Variants in TENM3 observed in about 807,000 individuals in gnomAD.
TENM3 encodes the protein teneurin transmembrane protein 3.
In TENM3, 63 loss-of-function variants were observed where a neutral mutation model predicts 255.1. The observed-to-expected ratio is 0.25, with a 90% CI of 0.20 to 0.30. The LOEUF (loss-of-function observed/expected upper bound fraction) is 0.30, where lower values mean the gene tolerates loss of function less well. Among genes scored for constraint, TENM3 ranks in the 10% least tolerant of loss-of-function variants. TENM3 has a pLI of 1.00. For synonymous variants in TENM3, 1,306 were observed against 1,322.3 expected, an observed-to-expected ratio of 0.99 and a Z score of 0.27; for missense variants, 2,929 against 3,461.1, an observed-to-expected ratio of 0.85 and a Z score of 3.86.
intron 3 of TENM3, among the ~76,000 whole-genome samples, chr4:182,355,470 G>A (rs1317347397): frequency 2.0e-5 from 3 of 152,104 alleles, no homozygotes; most frequent in Admixed American, 2.0e-4. Context: ...CTTTCCTCAA[G>A]GAGAGCAACC....
At chr4:181,814,587 C>CATGT in the TENM3 span, among the ~76,000 whole-genome samples, 1 of 149,490 alleles carries the variant, frequency 6.7e-6, no homozygotes, top group East Asian at 2.0e-4. Flanking sequence ...TTTTTAAATG[C>CATGT]GTGTGTGTGT....
chr4:181,583,128 T>TATTTA, the TENM3 span, among the ~76,000 whole-genome samples: 141,995 of 148,448 alleles, frequency 0.96, 67,948 homozygotes, highest in Non-Finnish European at 0.99. Flanking sequence ...CCTTCTGTAG[T>TATTTA]ATTTTTTTTT....
At chr4:182,633,538 G>A (rs1451148119) in intron 5 of TENM3, among the ~76,000 whole-genome samples, 5 of 152,302 alleles carry the variant, frequency 3.3e-5, no homozygotes, top group Non-Finnish European at 7.4e-5. Context: ...TTCACCTCAC[G>A]CCAATGGCTA....
the TENM3 span, among the ~76,000 whole-genome samples, chr4:181,472,634 T>G: frequency 6.6e-6 from 1 of 152,304 alleles, no homozygotes; most frequent in East Asian, 1.9e-4. Flanking sequence ...AGGTGACTTC[T>G]GGATGCTGGG....
At chr4:182,326,193 T>C (rs558315577) in intron 2 of TENM3, among the ~76,000 whole-genome samples, 4 of 152,222 alleles carry the variant, frequency 2.6e-5, no homozygotes, top group Non-Finnish European at 4.4e-5. Flanking sequence ...TTGATGTGTA[T>C]GAATCCGAAC....
the TENM3 span, among the ~76,000 whole-genome samples, chr4:181,564,400 T>A: frequency 6.6e-6 from 1 of 152,056 alleles, no homozygotes; most frequent in Non-Finnish European, 1.5e-5. Context: ...AGAGCTTGAG[T>A]GACTTGCCCA....
chr4:182,240,180 G>A (rs527476852), upstream of TENM3, among the ~76,000 whole-genome samples: 15 of 152,216 alleles, frequency 9.9e-5, no homozygotes, highest in African/African-American at 1.9e-4. Flanking sequence ...ACAGCCACCC[G>A]GATATTTCAG....
At chr4:182,027,813 T>C in the TENM3 span, among the ~76,000 whole-genome samples, 1 of 151,924 alleles carries the variant, frequency 6.6e-6, no homozygotes, top group South Asian at 2.1e-4. Flanking sequence ...CAGAGATAAA[T>C]CCCACTTGTT....
the TENM3 span, among the ~76,000 whole-genome samples, chr4:181,473,835 G>GTGTATATA: frequency 2.9e-4 from 42 of 142,464 alleles, no homozygotes; most frequent in African/African-American, 1.1e-3. Flanking sequence ...TATGTATACT[G>GTGTATATA]TATATATATA....
chr4:182,493,891 AT>A (rs1229293524), intron 3 of TENM3, among the ~76,000 whole-genome samples: 7 of 152,154 alleles, frequency 4.6e-5, no homozygotes, highest in Admixed American at 2.0e-4. Context: ...TAAAAATAAT[AT>A]TGGTTTTTTA....
chr4:181,694,436 G>T, the TENM3 span, among the ~76,000 whole-genome samples: 3 of 152,290 alleles, frequency 2.0e-5, no homozygotes, highest in East Asian at 3.9e-4. Context: ...TACTTTCAAG[G>T]TGTTAACAGG....
intron 2 of TENM3, among the ~76,000 whole-genome samples, chr4:182,337,122 A>G (rs113300188): frequency 1.3e-5 from 2 of 152,216 alleles, no homozygotes; most frequent in African/African-American, 2.4e-5. Context: ...GTTCTTAAAT[A>G]TCTTCACAAA....
chr4:182,431,146 A>T (rs1406568311), intron 3 of TENM3, among the ~76,000 whole-genome samples: 1 of 152,120 alleles, frequency 6.6e-6, no homozygotes, highest in East Asian at 1.9e-4. Flanking sequence ...GCTATTACAA[A>T]GAACCAGGTA....
At chr4:181,457,260 G>A in the TENM3 span, among the ~76,000 whole-genome samples, 1 of 151,748 alleles carries the variant, frequency 6.6e-6, no homozygotes, top group South Asian at 2.1e-4. Flanking sequence ...ATGACAAATG[G>A]ACTCTGTAGG....
intron 3 of TENM3, among the ~76,000 whole-genome samples, chr4:182,478,857 T>G (rs1451909089): frequency 6.6e-6 from 1 of 152,000 alleles, no homozygotes; most frequent in Non-Finnish European, 1.5e-5. Context: ...GCAGAGTTTC[T>G]AGAAATGTAT....
At chr4:182,139,565 G>C (rs1749253789), upstream of TENM3, among the ~76,000 whole-genome samples, 1 of 152,154 alleles carries the variant, frequency 6.6e-6, no homozygotes, top group Admixed American at 6.5e-5. Flanking sequence ...CTGAAAAGTT[G>C]TTTATAGAAA....
intron 12 of TENM3, among the ~76,000 whole-genome samples, chr4:182,694,477 CT>C (rs1176807142): frequency 1.3e-5 from 2 of 152,160 alleles, no homozygotes; most frequent in Non-Finnish European, 2.9e-5. Context: ...TATTTTTCTT[CT>C]AGTAATGTCT....
At chr4:182,458,479 T>G (rs1774044163) in intron 3 of TENM3, among the ~76,000 whole-genome samples, 1 of 152,302 alleles carries the variant, frequency 6.6e-6, no homozygotes, top group Admixed American at 6.5e-5. Flanking sequence ...TCTGGTGGTG[T>G]GACCTTGGAA....
the TENM3 span, among the ~76,000 whole-genome samples, chr4:181,693,704 C>T: frequency 6.6e-6 from 1 of 152,062 alleles, no homozygotes; most frequent in East Asian, 1.9e-4. Flanking sequence ...GAGAGCTCTC[C>T]GTGGTGCCTA....
Sources: gnomAD v4.1 joint callset for allele counts (sites outside exome capture counted in the v4.1 genomes callset) on GRCh38, gnomAD v4.1.1 for gene constraint, MANE v1.5 for transcripts, NCBI Gene and HGNC (gene_info 2026-07-23, HGNC 2026-07-21) for gene names.